HMCN1: variants seen among roughly 807,000 people sequenced by gnomAD.
HMCN1 encodes the protein hemicentin-1.
HMCN1 carries 321 observed loss-of-function variants against 625.9 expected under a neutral mutation model. That is an observed-to-expected ratio of 0.51 (90% CI 0.47 to 0.56). The LOEUF is 0.56. Ranked by LOEUF, HMCN1 falls within the 20% of genes least tolerant of loss-of-function variation. HMCN1 has a pLI of 0.00. For missense variants in HMCN1, 6,588 were observed against 6,887.3 expected (o/e 0.96, Z 1.54); for synonymous variants, 2,425 against 2,417.6 (o/e 1.00, Z -0.09).
chr1:186,126,888 G>T (rs1432768832), intron 82 of HMCN1, among the ~76,000 whole-genome samples: 4 of 152,116 alleles, frequency 2.6e-5, no homozygotes, highest in Non-Finnish European at 5.9e-5. Flanking sequence ...TGGCTGTTGT[G>T]ATGAGAATCA....
chr1:186,165,894 G>A (rs548681486), intron 98 of HMCN1, among the ~76,000 whole-genome samples: 1 of 152,322 alleles, frequency 6.6e-6, no homozygotes, highest in East Asian at 1.9e-4. Flanking sequence ...TGTGATGAAA[G>A]AGTTAAAGCA....
intron 1 of HMCN1, among the ~76,000 whole-genome samples, chr1:185,749,437 C>A (rs933856018): frequency 1.3e-5 from 2 of 152,118 alleles, no homozygotes; most frequent in Non-Finnish European, 2.9e-5. Flanking sequence ...AAGGAGAAAC[C>A]TACTGCCTGC....
chr1:185,907,765 C>T (rs1329455132), intron 4 of HMCN1, among the ~76,000 whole-genome samples: 1 of 151,844 alleles, frequency 6.6e-6, no homozygotes, highest in Non-Finnish European at 1.5e-5. Context: ...AAACTAAGAT[C>T]GTGTAAGTAT....
chr1:185,834,124 T>G (rs1661031991), intron 1 of HMCN1, among the ~76,000 whole-genome samples: 1 of 152,230 alleles, frequency 6.6e-6, no homozygotes, highest in African/African-American at 2.4e-5. Flanking sequence ...ATTCAAAATG[T>G]CACAGTTGCT....
At chr1:185,791,904 G>A (rs1025479529) in intron 1 of HMCN1, among the ~76,000 whole-genome samples, 3 of 152,148 alleles carry the variant, frequency 2.0e-5, no homozygotes, top group African/African-American at 7.2e-5. Context: ...TCTGTCACTT[G>A]CTCCAGGATA....
chr1:186,183,520 G>C (rs1315576489), intron 105 of HMCN1, among the ~76,000 whole-genome samples: 1 of 152,142 alleles, frequency 6.6e-6, no homozygotes, highest in Admixed American at 6.5e-5. Context: ...GTTTTACTCA[G>C]ATTTAAAGTA....
chr1:185,985,654 A>G (rs1651957035), intron 19 of HMCN1, among the ~76,000 whole-genome samples: 2 of 152,210 alleles, frequency 1.3e-5, no homozygotes, highest in South Asian at 2.1e-4. Flanking sequence ...AATTTAGTCA[A>G]TGGAGTTAAA....
At chr1:186,004,368 A>G (rs1002502273) in intron 29 of HMCN1, among the ~76,000 whole-genome samples, 1 of 152,166 alleles carries the variant, frequency 6.6e-6, no homozygotes, top group African/African-American at 2.4e-5. Context: ...CAGTTTGTGT[A>G]TTATAGTTTC....
In HMCN1 at chr1:186,151,704, G is replaced by T; in HGVS notation, c.14857G>T (p.Ala4953Ser). 6.2e-7 allele frequency: 1 copy of T among 1,613,594 alleles called. No individual in the cohort carries two copies. Among genetic ancestry groups the T allele is most frequent in the Non-Finnish European group, 8.5e-7 (1 of 1,179,660 alleles). ...AGTCAATGGCTTTACCCTCACCAAT[G>T]CAGTCTTCAAAAGAGAAACTCAAGT... ...EAVNGFTLTN[A>S]VFKRETQVEF... The change falls in exon 95 of 107, where the codon GCA (alanine) becomes TCA (serine). Residue 4953 changes from alanine (A) to serine (S), a missense_variant. By Grantham distance (99) the Ala-to-Ser change is moderately conservative. Around this residue, in one of 3 missense-constraint regions of HMCN1, gnomAD observed 1,954 missense variants for 2,013.1 expected, o/e 0.97. Transcript: ENST00000271588.
At chr1:186,184,305 C>T (rs1053590697) in intron 105 of HMCN1, among the ~76,000 whole-genome samples, 2 of 152,128 alleles carry the variant, frequency 1.3e-5, no homozygotes, top group African/African-American at 4.8e-5. Context: ...GTGTTTGAGG[C>T]ATTTATAAGG....
chr1:185,822,600 C>A (rs1466661596), intron 1 of HMCN1, among the ~76,000 whole-genome samples: 1 of 152,108 alleles, frequency 6.6e-6, no homozygotes, highest in Non-Finnish European at 1.5e-5. Flanking sequence ...AGAGCGCATT[C>A]TGGCTGCCAG....
At chr1:185,999,749 A>G (rs986335256) in intron 25 of HMCN1, among the ~76,000 whole-genome samples, 4 of 152,098 alleles carry the variant, frequency 2.6e-5, no homozygotes, top group Non-Finnish European at 5.9e-5. Flanking sequence ...TGCCCTGCCA[A>G]CAAATCACTG....
intron 1 of HMCN1, among the ~76,000 whole-genome samples, chr1:185,791,253 T>C (rs983290945): frequency 5.8e-4 from 89 of 152,158 alleles, no homozygotes; most frequent in African/African-American, 2.1e-3. Flanking sequence ...GTCTGGTACA[T>C]AGTAGGCCCT....
At chr1:186,040,184 C>T (rs184260592) in intron 39 of HMCN1, among the ~76,000 whole-genome samples, 1 of 152,052 alleles carries the variant, frequency 6.6e-6, no homozygotes, top group Non-Finnish European at 1.5e-5. Context: ...ACAATAGATA[C>T]TTTACACAAA....
intron 36 of HMCN1, among the ~76,000 whole-genome samples, chr1:186,024,734 A>G (rs985793740): frequency 1.3e-5 from 2 of 152,180 alleles, no homozygotes; most frequent in African/African-American, 2.4e-5. Flanking sequence ...GTTAGCAGCT[A>G]ACTTTGCTAA....
chr1:186,079,824 A>G (rs1406405472), intron 55 of HMCN1, among the ~76,000 whole-genome samples: 1 of 152,180 alleles, frequency 6.6e-6, no homozygotes, highest in Non-Finnish European at 1.5e-5. Context: ...GAACAAAGCA[A>G]GAAAATTAAC....
intron 11 of HMCN1, among the ~76,000 whole-genome samples, chr1:185,958,926 T>A (rs1032082877): frequency 1.3e-5 from 2 of 152,206 alleles, no homozygotes; most frequent in Non-Finnish European, 2.9e-5. Context: ...ACTTTCCTAT[T>A]TCAATGAACT....
chr1:185,918,784 C>G (rs561911557), intron 6 of HMCN1, among the ~76,000 whole-genome samples: 1 of 152,054 alleles, frequency 6.6e-6, no homozygotes, highest in Non-Finnish European at 1.5e-5. Flanking sequence ...GACTTTGAAA[C>G]ACAACTCTTC....
chr1:185,777,087 T>C (rs1368370306), intron 1 of HMCN1, among the ~76,000 whole-genome samples: 1 of 152,188 alleles, frequency 6.6e-6, no homozygotes, highest in African/African-American at 2.4e-5. Flanking sequence ...ATTATAGTCT[T>C]ATTTTGCATA....
Sources: gnomAD v4.1 joint callset for allele counts (sites outside exome capture counted in the v4.1 genomes callset) on GRCh38, gnomAD v4.1.1 for gene constraint, gnomAD v4.1.1 regional missense constraint, MANE v1.5 for transcripts, NCBI Gene and HGNC (gene_info 2026-07-23, HGNC 2026-07-21) for gene names.